The following ALDH2 variants were observed in gnomAD, a reference collection of about 807,000 sequenced individuals.
ALDH2 encodes aldehyde dehydrogenase, mitochondrial.
Under a neutral mutation model 59.6 loss-of-function variants are expected in ALDH2, and 44 were observed. That is an observed-to-expected ratio of 0.74 (90% CI 0.58 to 0.95). ALDH2 has a LOEUF of 0.95. ALDH2 is among the 40% of genes least tolerant of loss of function. The probability of loss-of-function intolerance (pLI) is 0.00; values close to 1 mark genes in which losing one functional copy is unlikely to be tolerated. For missense variants in ALDH2, 570 were observed against 696.3 expected (o/e 0.82, Z 2.04); for synonymous variants, 291 against 284.0 (o/e 1.02, Z -0.25).
intron 2 of ALDH2, among the ~76,000 whole-genome samples, 178 bp from the exon 3 acceptor site, chr12:111,782,980 C>T (rs1183652432): frequency 6.6e-6 from 1 of 152,204 alleles, no homozygotes; most frequent in Non-Finnish European, 1.5e-5. Context: ...TTATTCAACC[C>T]CATTGCTGAA....
Position 111,809,546 on chromosome 12 carries a change from A to G in ALDH2, c.1525A>G (p.Thr509Ala). 1 of 1,614,212 alleles carries G rather than the reference A, an allele frequency of 6.2e-7. No homozygotes were observed. The highest frequency in any genetic ancestry group is 2.2e-5 in the East Asian group (1 of 44,890). Residue 509 changes from threonine (T) to alanine (A), a missense_variant, in exon 13 of 13, where the codon ACA becomes GCA. By Grantham distance (58) the Thr-to-Ala change is moderately conservative. Transcript: ENST00000261733. ...GGCTTCTCTGTCCCCCTTACAGGTC[A>G]CAGTCAAAGTGCCTCAGAAGAACTC... ...LQAYTEVKTV[T>A]VKVPQKNS is the part of the protein sequence containing the mutation.
chr12:111,795,574 C>T (rs2068396735), intron 9 of ALDH2, among the ~76,000 whole-genome samples: 3 of 150,208 alleles, frequency 2.0e-5, no homozygotes, highest in African/African-American at 7.4e-5. Context: ...TGAGCCACCG[C>T]ACCTGTCCTA....
At chr12:111,807,458 C>A (rs2068505967) in intron 12 of ALDH2, among the ~76,000 whole-genome samples, 1 of 152,138 alleles carries the variant, frequency 6.6e-6, no homozygotes, top group Non-Finnish European at 1.5e-5. Context: ...GGGTGGACAG[C>A]CTGTGCTGGG....
intron 12 of ALDH2, among the ~76,000 whole-genome samples, chr12:111,805,952 G>A (rs1356538418): frequency 6.6e-6 from 1 of 150,942 alleles, no homozygotes; most frequent in Non-Finnish European, 1.5e-5. Flanking sequence ...GAACCCGGGA[G>A]GTGGAGGTTG....
Position 111,798,218 on chromosome 12 carries a change from T to C in ALDH2, c.1224T>C (p.Asp408=). Residue 408 remains aspartate (D), a synonymous_variant, in exon 10 of 13, where the codon GAT becomes GAC. Coordinates refer to ENST00000261733, the MANE Select transcript of ALDH2 (RefSeq NM_000690.4). ...IQPTVFGDVQ[D]GMTIAKEEIF... ...CCACTGTGTTTGGAGATGTGCAGGA[T>C]GGCATGACCATCGCCAAGGAGGAGG... is the stretch of plus-strand genomic sequence containing the variant. 6.4e-7 allele frequency: 1 copy of C among 1,571,038 alleles called. No individual in the cohort carries two copies. The highest frequency in any genetic ancestry group is 8.6e-7 in the Non-Finnish European group (1 of 1,157,928).
At chr12:111,785,607 C>G (rs896819506) in intron 4 of ALDH2, among the ~76,000 whole-genome samples, 1 of 152,056 alleles carries the variant, frequency 6.6e-6, no homozygotes, top group African/African-American at 2.4e-5. Context: ...ACCTGTAATA[C>G]CAGCTACTCA....
chr12:111,797,160 C>A (rs543841494), intron 9 of ALDH2, among the ~76,000 whole-genome samples: 1 of 152,078 alleles, frequency 6.6e-6, no homozygotes, highest in East Asian at 1.9e-4. Flanking sequence ...GTCTTGAACT[C>A]CTGACCTCAT....
rs977834191 is a variant in ALDH2, at chr12:111,797,570, C to A, written c.1084-508C>A. Among the ~76,000 whole-genome samples, 3 of 151,144 alleles carry A rather than the reference C, an allele frequency of 2.0e-5. No individual in the cohort carries two copies. The East Asian group carries it at 5.8e-4, about 29-fold the overall frequency. ...GAGTGGAGATCGCACCACTGCACTCCAGCCTGGGTGACAGAGTGAGACCCC... is the reference window on the plus strand; with the variant it reads ...GAGTGGAGATCGCACCACTGCACTCAAGCCTGGGTGACAGAGTGAGACCCC... On this transcript the variant is annotated intron_variant, in intron 9 of 12. Transcript: ENST00000261733.
At chr12:111,805,676 T>C (rs1285585687) in intron 12 of ALDH2, among the ~76,000 whole-genome samples, 1 of 152,168 alleles carries the variant, frequency 6.6e-6, no homozygotes, top group East Asian at 1.9e-4. Flanking sequence ...TGAAGAGTCA[T>C]GTTCGCCAAT....
chr12:111,791,427 G>T lies in ALDH2; in HGVS notation c.795+8G>T. 6.2e-7 allele frequency: 1 copy of T among 1,602,502 alleles called. No homozygotes were observed. The highest frequency in any genetic ancestry group is 1.1e-5 in the South Asian group (1 of 90,046). On this transcript the variant is annotated splice_region_variant and intron_variant, in intron 7 of 12. Transcript: ENST00000261733. ...TTCACAGGCTCCACTGAGGTAAGGT[G>T]ACCCTGGCCTCAAGCTTGCAGCCTC...
In ALDH2 at chr12:111,781,961, C is replaced by T. The variant is rs1282307132; in HGVS notation, c.158C>T (p.Thr53Ile). Residue 53 changes from threonine to isoleucine, a missense_variant, in exon 2 of 13, where the codon ACA becomes ATA. Coordinates refer to ENST00000261733, the MANE Select transcript of ALDH2 (RefSeq NM_000690.4). ...TGGCACGATGCCGTCAGCAGGAAAA[C>T]ATTCCCCACCGTCAATCCGTCCACT... ...NEWHDAVSRK[T>I]FPTVNPSTGE... 6.2e-7 allele frequency: 1 copy of T among 1,613,710 alleles called. No homozygotes were observed. Among genetic ancestry groups the T allele is most frequent in the Non-Finnish European group, 8.5e-7 (1 of 1,179,900 alleles).
In ALDH2 at chr12:111,783,362, A is replaced by G. The variant is rs183870967; in HGVS notation, c.360+64A>G. ...GTGAATAGGCTCGCAGCATCCTGTG[A>G]ACAGCCAGGAACCAAGCATCCTGTG... On this transcript the variant is annotated intron_variant, in intron 3 of 12. Transcript: ENST00000261733. 21 of 1,526,290 alleles carry G rather than the reference A, an allele frequency of 1.4e-5. No individual in the cohort carries two copies. The East Asian group carries it at 3.0e-4, about 22-fold the overall frequency. The allele number at this position is 1,526,290 out of a possible 1,614,324, so 94.5% of individuals were successfully genotyped here. A position where few individuals can be genotyped will look rare whatever the true frequency, so the allele number is the denominator to read the frequency against.
chr12:111,794,549 C>T (rs1236257672), intron 9 of ALDH2, among the ~76,000 whole-genome samples: 1 of 152,098 alleles, frequency 6.6e-6, no homozygotes, highest in African/African-American at 2.4e-5. Flanking sequence ...TTCTGTTGCC[C>T]AGGCTGGAAT....
chr12:111,817,254 A>G lies in ALDH2; in HGVS notation c.*7679A>G, dbSNP rs891556343. ...AACAATAGCAAAAATTATCATGCCT[A>G]AGGCTCTATGGGCACAATGAGTAAG... On this transcript the variant is annotated 3_prime_UTR_variant, in exon 13 of 13. Transcript: ENST00000261733. The G allele has an allele frequency of 6.6e-6, 1 of 152,222 alleles. No homozygotes were observed. The highest frequency in any genetic ancestry group is 1.5e-5 in the Non-Finnish European group (1 of 68,046). 9.4% of individuals were successfully genotyped at this position (152,222 alleles called of 1,614,324 possible).
intron 1 of ALDH2, among the ~76,000 whole-genome samples, chr12:111,773,369 T>C (rs113648300): frequency 6.6e-6 from 1 of 152,196 alleles, no homozygotes; most frequent in Non-Finnish European, 1.5e-5. Flanking sequence ...ATAATAATGT[T>C]TGTGCTCCTG....
At chr12:111,807,475 G>T (rs2068506122) in intron 12 of ALDH2, among the ~76,000 whole-genome samples, 1 of 152,150 alleles carries the variant, frequency 6.6e-6, no homozygotes, top group Non-Finnish European at 1.5e-5. Flanking sequence ...TGGGCTTTGA[G>T]TTATGACATC....
Position 111,776,698 on chromosome 12 carries a change from A to T in ALDH2, c.115-5220A>T, listed in dbSNP as rs1039703236. On this transcript the variant is annotated intron_variant, in intron 1 of 12. Transcript: ENST00000261733. Reference sequence around the variant, plus strand: ...TGCTTTTTACAACATTCAGAATAAAATTTTTTTTTTTTTTGAGACTCTGTT... The same window carrying T: ...TGCTTTTTACAACATTCAGAATAAATTTTTTTTTTTTTTTGAGACTCTGTT... 5.5e-4 allele frequency among the ~76,000 whole-genome samples: 81 copies of T among 146,212 alleles called. No individual in the cohort carries two copies. In the South Asian group the frequency reaches 5.6e-3, roughly 10 times the overall value.
chr12:111,783,991 A>T (rs942711296), intron 3 of ALDH2, among the ~76,000 whole-genome samples: 12 of 152,186 alleles, frequency 7.9e-5, no homozygotes, highest in Non-Finnish European at 1.5e-4. Flanking sequence ...CCTCCCAGCC[A>T]CAATTGATTC....
At position 111,791,304 on chromosome 12, in the gene ALDH2, A is replaced by G. The variant is rs1483031622; in HGVS notation, c.682-2A>G. 1.9e-6 allele frequency: 3 copies of G among 1,612,786 alleles called. No individual in the cohort carries two copies. The highest frequency in any genetic ancestry group is 2.5e-6 in the Non-Finnish European group (3 of 1,179,212). On this transcript the variant is annotated splice_acceptor_variant, in intron 6 of 12. Coordinates refer to ENST00000261733, the MANE Select transcript of ALDH2 (RefSeq NM_000690.4). LOFTEE classifies it high-confidence loss of function. Reference sequence around the variant, plus strand: ...CAATGTCCCCTGGCTGTTTGCTCACAGGCTGGCTTTCCCCCTGGTGTGGTC... The same window carrying G: ...CAATGTCCCCTGGCTGTTTGCTCACGGGCTGGCTTTCCCCCTGGTGTGGTC...
Sources: gnomAD v4.1 joint callset for allele counts (sites outside exome capture counted in the v4.1 genomes callset) on GRCh38, gnomAD v4.1.1 for gene constraint, MANE v1.5 for transcripts, NCBI Gene and HGNC (gene_info 2026-07-23, HGNC 2026-07-21) for gene names.